Variants in PPP2R1B observed in about 807,000 individuals in gnomAD.
The protein encoded by PPP2R1B is protein phosphatase 2 scaffold subunit Abeta, also known as serine/threonine-protein phosphatase 2A 65 kDa regulatory subunit A beta isoform.
In PPP2R1B, 58 loss-of-function variants were observed where a neutral mutation model predicts 72.7. The ratio of observed to expected loss-of-function variants is 0.80; its 90% CI spans 0.65 to 0.99. The LOEUF is 0.99. PPP2R1B is among the 50% of genes least tolerant of loss of function. The pLI is 0.00. For missense variants in PPP2R1B, 695 were observed against 733.6 expected (o/e 0.95, Z 0.61); for synonymous variants, 256 against 264.6 (o/e 0.97, Z 0.32).
At chr11:111,693,850 C>T in the PPP2R1B span, among the ~76,000 whole-genome samples, 6 of 152,054 alleles carry the variant, frequency 3.9e-5, no homozygotes, top group African/African-American at 9.7e-5. Context: ...GACAGGGAGT[C>T]GATGTAGGGT....
In PPP2R1B at chr11:111,739,174, A is replaced by G; in HGVS notation, c.*2422T>C. ...ACATTGGAGGATATTTTAGAAATTCATCCATTGAACACATTTTTATTGAGC... is the reference window on the plus strand; with the variant it reads ...ACATTGGAGGATATTTTAGAAATTCGTCCATTGAACACATTTTTATTGAGC... On this transcript the variant is annotated 3_prime_UTR_variant, in exon 15 of 15. Coordinates refer to ENST00000527614, the MANE Select transcript of PPP2R1B (RefSeq NM_002716.5). The G allele has an allele frequency of 1.9e-5, 19 of 985,192 alleles. No individual in the cohort carries two copies. The highest frequency in any genetic ancestry group is 2.3e-5 in the Non-Finnish European group (19 of 829,738). 61.0% of individuals were successfully genotyped at this position (985,192 alleles called of 1,614,324 possible).
At chr11:111,694,927 A>C in the PPP2R1B span, among the ~76,000 whole-genome samples, 1 of 152,192 alleles carries the variant, frequency 6.6e-6, no homozygotes, top group African/African-American at 2.4e-5. Flanking sequence ...GCAGGATCAC[A>C]TTTCATCTCA....
At chr11:111,707,229 ATTC>A in the PPP2R1B span, among the ~76,000 whole-genome samples, 2 of 152,190 alleles carry the variant, frequency 1.3e-5, no homozygotes, top group African/African-American at 4.8e-5. Context: ...AAGTCTCTTT[ATTC>A]TTCTTAAACA....
chr11:111,727,387 G>A, intron 15 of PPP2R1B: 1 of 362,774 alleles, frequency 2.8e-6, no homozygotes, highest in Non-Finnish European at 5.1e-6. Context: ...GAACTCCCAA[G>A]TGTTTAAACC....
chr11:111,754,899 C>T (rs1332951394), intron 7 of PPP2R1B, 81 bp downstream of exon 7: 3 of 1,313,636 alleles, frequency 2.3e-6, no homozygotes, highest in East Asian at 4.7e-5. Flanking sequence ...TATTCTAGAA[C>T]AAAAAACATG....
At chr11:111,727,109 C>G in intron 15 of PPP2R1B, 1 of 1,519,040 alleles carries the variant, frequency 6.6e-7, no homozygotes, top group Non-Finnish European at 9.1e-7. Context: ...CCCACTTTCA[C>G]ATTCCCGGTG....
chr11:111,756,984 C>T (rs190791401), intron 5 of PPP2R1B, among the ~76,000 whole-genome samples: 62 of 151,918 alleles, frequency 4.1e-4, no homozygotes, highest in Non-Finnish European at 8.0e-4. Context: ...CATGGTGGCA[C>T]GTGCCTGTAA....
chr11:111,741,541 T>A lies in PPP2R1B; in HGVS notation c.*55A>T. ...TTTCTCCACCCAGTTAAGAACACAT[T>A]GACTAGAAATTTGTGACAAGAATCT... is the stretch of plus-strand genomic sequence containing the variant. On this transcript the variant is annotated 3_prime_UTR_variant, in exon 15 of 15. Coordinates refer to ENST00000527614, the MANE Select transcript of PPP2R1B (RefSeq NM_002716.5). The A allele has an allele frequency of 6.2e-7, 1 of 1,604,258 alleles. No individual in the cohort carries two copies. Among genetic ancestry groups the A allele is most frequent in the South Asian group, 1.1e-5 (1 of 88,670 alleles).
At chr11:111,706,984 T>A in the PPP2R1B span, among the ~76,000 whole-genome samples, 225 of 150,622 alleles carry the variant, frequency 1.5e-3, no homozygotes, top group Non-Finnish European at 2.5e-3. Context: ...AAAAAAAGTA[T>A]TGATACAGAT....
chr11:111,759,769 T>C (rs1555050688), intron 5 of PPP2R1B, 35 bp downstream of exon 5: 10 of 1,569,634 alleles, frequency 6.4e-6, no homozygotes, highest in Non-Finnish European at 7.8e-6. Flanking sequence ...GAAAGGAGCA[T>C]ATCTGTGTCC....
At chr11:111,726,041 C>A (rs957691768), downstream of PPP2R1B, 1 of 152,150 alleles carries the variant, frequency 6.6e-6, no homozygotes, top group African/African-American at 2.4e-5. Context: ...TAAAGAACAT[C>A]ATTTCATTTA....
At chr11:111,715,231 C>T in the PPP2R1B span, among the ~76,000 whole-genome samples, 1 of 152,190 alleles carries the variant, frequency 6.6e-6, no homozygotes, top group Non-Finnish European at 1.5e-5. Context: ...CTTTGTGGAC[C>T]GTTTTATTTA....
At chr11:111,733,193 G>T (rs1323022876), downstream of PPP2R1B, among the ~76,000 whole-genome samples, 4 of 152,174 alleles carry the variant, frequency 2.6e-5, no homozygotes, top group Non-Finnish European at 5.9e-5. Context: ...TCCTGCTGCT[G>T]CCTCCCTTTG....
At chr11:111,735,319 C>T (rs913548055), downstream of PPP2R1B, 6 of 152,214 alleles carry the variant, frequency 3.9e-5, no homozygotes, top group Non-Finnish European at 1.5e-5. Flanking sequence ...CTCACAGCTG[C>T]TCCTTCCTGC....
At chr11:111,696,159 A>G in the PPP2R1B span, among the ~76,000 whole-genome samples, 1 of 152,360 alleles carries the variant, frequency 6.6e-6, no homozygotes, top group East Asian at 1.9e-4. Flanking sequence ...CAGGCCATAT[A>G]GAACCCAGGT....
chr11:111,743,305 A>T, intron 12 of PPP2R1B, 71 bp downstream of exon 12: 1 of 1,409,132 alleles, frequency 7.1e-7, no homozygotes, highest in Non-Finnish European at 9.8e-7. Context: ...GTATACTGAT[A>T]ATTCAGAAAT....
rs562841097 is a variant in PPP2R1B at position 111,764,691 on chromosome 11, T to G, written c.306+114A>C. The G allele has an allele frequency of 3.3e-4, 328 of 1,003,178 alleles. 2 individuals are homozygous for G. In the African/African-American group the frequency reaches 4.7e-3, roughly 14 times the overall value. The allele number at this position is 1,003,178 out of a possible 1,614,324, so 62.1% of individuals were successfully genotyped here. On this transcript the variant is annotated intron_variant, in intron 3 of 14. Coordinates refer to ENST00000527614, the MANE Select transcript of PPP2R1B (RefSeq NM_002716.5). ...CTCTCAATGACTAACATTATGACTA[T>G]CTGCCCATAAAAAGATCTGCATAAA...
intron 15 of PPP2R1B, among the ~76,000 whole-genome samples, chr11:111,731,356 C>G (rs1400982585): frequency 1.3e-5 from 2 of 152,258 alleles, no homozygotes; most frequent in African/African-American, 2.4e-5. Flanking sequence ...TCTCTGGGGT[C>G]TGCCAAAGGC....
the PPP2R1B span, chr11:111,719,914 C>T: frequency 6.2e-7 from 1 of 1,614,122 alleles, no homozygotes; most frequent in Non-Finnish European, 8.5e-7. Flanking sequence ...CCCGCTCATG[C>T]CTTTGAGGCA....
Sources: allele counts gnomAD v4.1 joint callset (sites outside exome capture counted in the v4.1 genomes callset), GRCh38; gene constraint gnomAD v4.1.1; transcripts MANE v1.5; gene names NCBI Gene and HGNC (gene_info 2026-07-23, HGNC 2026-07-21).